ZMYM2: variants seen among roughly 807,000 people sequenced by gnomAD.
The protein encoded by ZMYM2 is zinc finger MYM-type containing 2.
Under a neutral mutation model 162.8 loss-of-function variants are expected in ZMYM2, and 56 were observed. The observed-to-expected ratio is 0.34, with a 90% CI of 0.28 to 0.43. The LOEUF (loss-of-function observed/expected upper bound fraction) is 0.43, where lower values mean the gene tolerates loss of function less well. ZMYM2 is among the 20% of genes least tolerant of loss of function. ZMYM2 has a pLI of 1.00. For missense variants in ZMYM2, 1,275 were observed against 1,621.8 expected (o/e 0.79, Z 3.67); for synonymous variants, 510 against 541.6 (o/e 0.94, Z 0.81).
Position 20,009,804 on chromosome 13 carries a change from G to A in ZMYM2, c.1512+3218G>A, listed in dbSNP as rs1377850935. ...ATGTATATGCCACATTCTGTTTATC[G>A]ATTTGTTGTCCCTATGATAGATGTT... On this transcript the variant is annotated intron_variant, in intron 6 of 24. Coordinates refer to ENST00000610343, the MANE Select transcript of ZMYM2 (RefSeq NM_197968.4). 3.3e-5 allele frequency among the ~76,000 whole-genome samples: 5 copies of A among 152,048 alleles called. No homozygotes were observed. In the South Asian group the frequency reaches 6.2e-4, roughly 19 times the overall value.
the ZMYM2 span, among the ~76,000 whole-genome samples, chr13:19,952,509 AT>A: frequency 0.031 from 4,774 of 152,284 alleles, 126 homozygotes; most frequent in Middle Eastern, 0.054. Flanking sequence ...AATATATTCA[AT>A]TTTTTGCCAA....
At chr13:20,014,266 GTTTCACCA>G (rs1174185590) in intron 6 of ZMYM2, among the ~76,000 whole-genome samples, 1 of 152,104 alleles carries the variant, frequency 6.6e-6, no homozygotes, top group Non-Finnish European at 1.5e-5. Flanking sequence ...TAGAGATGGG[GTTTCACCA>G]TGTTGGCCAG....
chr13:20,021,671 G>A (rs1472046740), intron 7 of ZMYM2, among the ~76,000 whole-genome samples: 1 of 152,098 alleles, frequency 6.6e-6, no homozygotes, highest in Non-Finnish European at 1.5e-5. Context: ...TCTTGAACAG[G>A]TAGCAATACA....
At chr13:20,019,462 A>G in intron 6 of ZMYM2, 85 bp from the exon 7 acceptor site, 1 of 1,206,626 alleles carries the variant, frequency 8.3e-7, no homozygotes, top group Non-Finnish European at 1.1e-6. Context: ...ATTGAGAAGC[A>G]ACTTTTACAT....
chr13:19,883,616 G>A, the ZMYM2 span, among the ~76,000 whole-genome samples: 1 of 152,122 alleles, frequency 6.6e-6, no homozygotes, highest in African/African-American at 2.4e-5. Flanking sequence ...GTTAAAACCA[G>A]CTTTAAAAAT....
chr13:19,962,515 A>AT (rs1166788980), intron 2 of ZMYM2, among the ~76,000 whole-genome samples: 989 of 38,948 alleles, frequency 0.025, 47 homozygotes, highest in Middle Eastern at 0.043. Context: ...ATATATATAT[A>AT]TTTTTTTTTT....
At chr13:20,000,158 C>T (rs187884082) in intron 3 of ZMYM2, among the ~76,000 whole-genome samples, 2 of 152,102 alleles carry the variant, frequency 1.3e-5, no homozygotes, top group Non-Finnish European at 2.9e-5. Context: ...AAGATCAAAC[C>T]AACTATGACA....
At chr13:20,048,510 T>G (rs1487991815) in intron 12 of ZMYM2, among the ~76,000 whole-genome samples, 1 of 152,026 alleles carries the variant, frequency 6.6e-6, no homozygotes, top group African/African-American at 2.4e-5. Context: ...CTGCTTAAAA[T>G]GTCTGTAAAA....
chr13:19,940,062 G>T, the ZMYM2 span, among the ~76,000 whole-genome samples: 2 of 152,030 alleles, frequency 1.3e-5, 1 homozygote, highest in South Asian at 4.2e-4. Flanking sequence ...TAAAATGCAG[G>T]TGTTTATGAA....
chr13:20,059,238 A>G (rs1956049009), intron 15 of ZMYM2, among the ~76,000 whole-genome samples: 1 of 151,606 alleles, frequency 6.6e-6, no homozygotes, highest in Non-Finnish European at 1.5e-5. Flanking sequence ...AAATCCCTAA[A>G]TTCTATTTGT....
intron 6 of ZMYM2, among the ~76,000 whole-genome samples, chr13:20,015,581 A>G (rs919536347): frequency 4.6e-5 from 7 of 152,110 alleles, no homozygotes; most frequent in African/African-American, 7.2e-5. Context: ...TTATTGTACA[A>G]TTATCTGCTT....
intron 11 of ZMYM2, among the ~76,000 whole-genome samples, chr13:20,034,968 TC>T (rs1374567656): frequency 1.3e-5 from 2 of 152,218 alleles, no homozygotes; most frequent in Admixed American, 1.3e-4. Context: ...AAATTCTAAA[TC>T]TACTTATCCA....
chr13:20,026,620 A>G lies in ZMYM2; in HGVS notation c.1593A>G (p.Gly531=), dbSNP rs34660436. 1.5e-3 allele frequency: 2,365 copies of G among 1,591,090 alleles called. 30 individuals are homozygous for G. The African/African-American group carries it at 0.027, about 18-fold the overall frequency. Residue 531 remains glycine, a synonymous_variant, in exon 8 of 25, where the codon GGA becomes GGG. Transcript: ENST00000610343. The stretch of plus-strand genomic sequence containing the variant: ...TATGTTTCAAATTTTAGAAATATGG[A>G]AAACTGACAACTTGTACTGGTTGCC... ...DSFLMQPEKY[G]KLTTCTGCRT...
At chr13:19,987,514 G>A (rs1338456635) in intron 2 of ZMYM2, among the ~76,000 whole-genome samples, 1 of 151,648 alleles carries the variant, frequency 6.6e-6, no homozygotes, top group Non-Finnish European at 1.5e-5. Context: ...CTGCCCACCT[G>A]GGCCTCCCAA....
intron 12 of ZMYM2, among the ~76,000 whole-genome samples, chr13:20,046,603 G>A (rs1161742791): frequency 1.9e-5 from 2 of 104,702 alleles, no homozygotes; most frequent in African/African-American, 4.1e-5. Flanking sequence ...GTGTGTGTGT[G>A]TGTGTATATA....
chr13:19,940,211 G>A, the ZMYM2 span, among the ~76,000 whole-genome samples: 1 of 152,190 alleles, frequency 6.6e-6, no homozygotes, highest in Non-Finnish European at 1.5e-5. Context: ...TGAAAAGAAA[G>A]TGGTAGAATA....
At chr13:20,030,630 C>CT (rs1953031595) in intron 9 of ZMYM2, among the ~76,000 whole-genome samples, 3 of 152,140 alleles carry the variant, frequency 2.0e-5, no homozygotes, top group Admixed American at 6.5e-5. Flanking sequence ...GATCTCCTGA[C>CT]TTCGTGATCC....
the ZMYM2 span, among the ~76,000 whole-genome samples, chr13:19,893,779 A>G: frequency 7.2e-5 from 11 of 151,820 alleles, no homozygotes; most frequent in Non-Finnish European, 1.6e-4. Flanking sequence ...TAAATAAAAC[A>G]CAAAAGTATA....
chr13:20,019,097 C>A (rs948098281), intron 6 of ZMYM2, among the ~76,000 whole-genome samples: 241 of 22,346 alleles, frequency 0.011, 8 homozygotes, highest in South Asian at 0.015. Context: ...AAAAAAACAA[C>A]AACAACAACA....
Sources: allele counts gnomAD v4.1 joint callset (sites outside exome capture counted in the v4.1 genomes callset), GRCh38; gene constraint gnomAD v4.1.1; transcripts MANE v1.5; gene names NCBI Gene and HGNC (gene_info 2026-07-23, HGNC 2026-07-21).